Variants in SLC12A6 observed in about 807,000 individuals in gnomAD.
SLC12A6 encodes solute carrier family 12 member 6, also known as K-Cl cotransporter 3.
SLC12A6 carries 66 observed loss-of-function variants against 135.3 expected under a neutral mutation model. The ratio of observed to expected loss-of-function variants is 0.49; its 90% CI spans 0.40 to 0.60. The LOEUF (loss-of-function observed/expected upper bound fraction) is 0.60. SLC12A6 is among the 20% of genes least tolerant of loss of function. The probability of loss-of-function intolerance (pLI) is 0.00; values close to 1 mark genes in which losing one functional copy is unlikely to be tolerated. For synonymous variants in SLC12A6, 513 were observed against 508.8 expected, an observed-to-expected ratio of 1.01 and a Z score of -0.11; for missense variants, 1,058 against 1,452.3, an observed-to-expected ratio of 0.73 and a Z score of 4.41.
chr15:34,320,299 G>A (rs1437207559), intron 2 of SLC12A6, among the ~76,000 whole-genome samples: 1 of 152,174 alleles, frequency 6.6e-6, no homozygotes, highest in African/African-American at 2.4e-5. Context: ...ATATACAACA[G>A]AATACGATTC....
At chr15:34,330,703 C>T (rs1442834887) in intron 2 of SLC12A6, among the ~76,000 whole-genome samples, 6 of 151,582 alleles carry the variant, frequency 4.0e-5, no homozygotes, top group Non-Finnish European at 8.8e-5. Context: ...AAAAACAAAA[C>T]TATCAAGAGG....
chr15:34,283,346 AAAAAAT>A (rs1182522214), intron 2 of SLC12A6, among the ~76,000 whole-genome samples: 3 of 146,980 alleles, frequency 2.0e-5, no homozygotes, highest in East Asian at 3.9e-4. Context: ...TCTGTCTCGA[AAAAAAT>A]AAAAATAAAA....
intron 16 of SLC12A6, among the ~76,000 whole-genome samples, chr15:34,242,933 G>A (rs529638168): frequency 1.1e-4 from 16 of 152,270 alleles, no homozygotes; most frequent in Non-Finnish European, 1.3e-4. Flanking sequence ...GGGAGGCTGA[G>A]GCAGGAGAAT....
chr15:34,281,954 T>A (rs1283319088), intron 2 of SLC12A6, among the ~76,000 whole-genome samples: 1 of 151,396 alleles, frequency 6.6e-6, no homozygotes, highest in Non-Finnish European at 1.5e-5. Context: ...GTAATAAAAA[T>A]ATAGTTTAAA....
intron 24 of SLC12A6, 90 bp from the exon 25 acceptor site, chr15:34,235,404 C>G: frequency 1.1e-6 from 1 of 932,250 alleles, no homozygotes; most frequent in Non-Finnish European, 1.7e-6. Context: ...AGCTTTTTCA[C>G]TTGACTATGG....
intron 2 of SLC12A6, among the ~76,000 whole-genome samples, chr15:34,324,166 A>G (rs1372198386): frequency 6.6e-6 from 1 of 152,162 alleles, no homozygotes; most frequent in Non-Finnish European, 1.5e-5. Flanking sequence ...ATTCATAAAA[A>G]CCCAAGCAGG....
At chr15:34,298,577 GA>G (rs1283458009) in intron 2 of SLC12A6, among the ~76,000 whole-genome samples, 1 of 152,062 alleles carries the variant, frequency 6.6e-6, no homozygotes, top group Admixed American at 6.6e-5. Flanking sequence ...ATTAGTTCAT[GA>G]AAAAGTAGAA....
chr15:34,279,218 G>A (rs1339912865), intron 2 of SLC12A6, among the ~76,000 whole-genome samples: 1 of 152,034 alleles, frequency 6.6e-6, no homozygotes, highest in Non-Finnish European at 1.5e-5. Context: ...AGGAGGCTGA[G>A]GCAGAGAATT....
At chr15:34,318,653 A>G (rs1182964205) in intron 2 of SLC12A6, 1 of 1,612,832 alleles carries the variant, frequency 6.2e-7, no homozygotes, top group South Asian at 1.1e-5. Context: ...TGGGTCCTCT[A>G]CCTTAGTCAC....
intron 3 of SLC12A6, among the ~76,000 whole-genome samples, chr15:34,271,416 G>C (rs1161199519): frequency 6.7e-6 from 1 of 150,336 alleles, no homozygotes; most frequent in African/African-American, 2.4e-5. Context: ...CTTAAGTTTT[G>C]GTTATCAAGG....
chr15:34,308,779 A>C (rs560843393), intron 2 of SLC12A6, among the ~76,000 whole-genome samples: 8 of 152,276 alleles, frequency 5.3e-5, no homozygotes, highest in Middle Eastern at 3.4e-3. Context: ...ACGGTAGAAG[A>C]AGCAGTTAAC....
intron 2 of SLC12A6, among the ~76,000 whole-genome samples, chr15:34,296,069 G>A (rs1451975581): frequency 6.6e-6 from 1 of 152,182 alleles, no homozygotes; most frequent in Non-Finnish European, 1.5e-5. Flanking sequence ...GTTAAGGACT[G>A]TCTGTACTAC....
At position 34,229,816 on chromosome 15, in the gene SLC12A6, T is replaced by C. The variant is rs201082530; in HGVS notation, c.*4065A>G. 45 of 1,610,296 alleles carry C rather than the reference T, an allele frequency of 2.8e-5. No homozygotes were observed. The highest frequency in any genetic ancestry group is 3.6e-5 in the Non-Finnish European group (42 of 1,176,616). ...ATGAGAAAGCAGCGCCTGGTCCCTA[T>C]GTATTTGGGTCTTATTTACATCCTT... On this transcript the variant is annotated 3_prime_UTR_variant, in exon 26 of 26. Coordinates refer to ENST00000354181, the MANE Select transcript of SLC12A6 (RefSeq NM_001365088.1).
At chr15:34,244,256 A>G (rs977135195) in intron 15 of SLC12A6, among the ~76,000 whole-genome samples, 184 bp from the exon 16 acceptor site, 4 of 152,178 alleles carry the variant, frequency 2.6e-5, no homozygotes, top group Non-Finnish European at 4.4e-5. Flanking sequence ...CTCTCAGTCA[A>G]TGACACAACC....
intron 3 of SLC12A6, among the ~76,000 whole-genome samples, chr15:34,268,861 TTC>T (rs550396643): frequency 0.012 from 1,791 of 149,364 alleles, 13 homozygotes; most frequent in Middle Eastern, 0.035. Context: ...TTTTCTTTCT[TTC>T]TTTTTTTTTT....
At chr15:34,318,696 A>G (rs1888830918) in intron 2 of SLC12A6, 2 of 1,613,340 alleles carry the variant, frequency 1.2e-6, no homozygotes. Flanking sequence ...GTTAGATAAT[A>G]CTTTGCTCTT....
At chr15:34,285,949 C>A (rs1168264231) in intron 2 of SLC12A6, among the ~76,000 whole-genome samples, 1 of 151,876 alleles carries the variant, frequency 6.6e-6, no homozygotes, top group African/African-American at 2.4e-5. Context: ...GAGAGTTGTT[C>A]ATTGGGTATA....
At position 34,252,267 on chromosome 15, in the gene SLC12A6, C is replaced by T. The variant is rs2290940; in HGVS notation, c.1236G>A (p.Ser412=). Residue 412 remains serine (S), a synonymous_variant, in exon 10 of 26, where the codon TCG becomes TCA. Transcript: ENST00000354181. ...PSKLWGFFCN[S]SQFFNATCDE... ...CACAGGTGGCATTGAAAAATTGACT[C>T]GAGTTACAGAAGAATCCCCATAACT... is the stretch of plus-strand genomic sequence containing the variant. 285,063 of 1,604,754 alleles carry T rather than the reference C, an allele frequency of 0.18. 26,099 individuals are homozygous for T. The highest frequency in any genetic ancestry group is 0.28 in the Middle Eastern group (1,663 of 6,038).
At chr15:34,265,032 T>A (rs1262947679) in intron 3 of SLC12A6, among the ~76,000 whole-genome samples, 1 of 151,844 alleles carries the variant, frequency 6.6e-6, no homozygotes, top group Non-Finnish European at 1.5e-5. Flanking sequence ...CTGTCTCTAC[T>A]AAAAAATACA....
Sources: gnomAD v4.1 joint callset for allele counts (sites outside exome capture counted in the v4.1 genomes callset) on GRCh38, gnomAD v4.1.1 for gene constraint, MANE v1.5 for transcripts, NCBI Gene and HGNC (gene_info 2026-07-23, HGNC 2026-07-21) for gene names.